AGBL4: variants seen among roughly 807,000 people sequenced by gnomAD.
AGBL4 encodes AGBL carboxypeptidase 4.
In AGBL4, 58 loss-of-function variants were observed where a neutral mutation model predicts 66.4. The ratio of observed to expected loss-of-function variants is 0.87; its 90% confidence interval spans 0.71 to 1.09. The LOEUF is 1.09. Among genes scored for constraint, AGBL4 ranks in the 50% least tolerant of loss-of-function variants. The pLI, the probability that AGBL4 is intolerant of heterozygous loss-of-function variation, is 0.00. For synonymous variants in AGBL4, 234 were observed against 222.9 expected, an observed-to-expected ratio of 1.05 and a Z score of -0.44; for missense variants, 579 against 631.0, an observed-to-expected ratio of 0.92 and a Z score of 0.88.
At chr1:49,833,242 T>A (rs929388849) in intron 2 of AGBL4, among the ~76,000 whole-genome samples, 21 of 152,144 alleles carry the variant, frequency 1.4e-4, no homozygotes, top group Non-Finnish European at 2.6e-4. Flanking sequence ...ACCATTTATT[T>A]AATAGGGAAT....
At chr1:48,579,773 C>T (rs1644709455) in intron 11 of AGBL4, among the ~76,000 whole-genome samples, 1 of 150,078 alleles carries the variant, frequency 6.7e-6, no homozygotes, top group South Asian at 2.1e-4. Flanking sequence ...AAAAAATTAG[C>T]CGGGCACGGT....
chr1:49,105,691 C>T (rs997264891), intron 4 of AGBL4, among the ~76,000 whole-genome samples: 4 of 152,136 alleles, frequency 2.6e-5, no homozygotes, highest in Non-Finnish European at 4.4e-5. Context: ...TCCTCAATCT[C>T]GCTGAGCTTC....
intron 3 of AGBL4, among the ~76,000 whole-genome samples, chr1:49,658,257 A>G (rs1206185276): frequency 6.6e-6 from 1 of 152,240 alleles, no homozygotes; most frequent in Non-Finnish European, 1.5e-5. Context: ...ACATGAAAAA[A>G]TGCTCATCAT....
intron 4 of AGBL4, among the ~76,000 whole-genome samples, chr1:49,059,206 C>G (rs1163091660): frequency 6.6e-6 from 1 of 152,232 alleles, no homozygotes; most frequent in Non-Finnish European, 1.5e-5. Flanking sequence ...CCAGGGACCC[C>G]TGCTCTGTGC....
chr1:49,233,409 TAAC>T (rs1425889889), intron 4 of AGBL4, among the ~76,000 whole-genome samples: 3 of 152,176 alleles, frequency 2.0e-5, no homozygotes, highest in African/African-American at 7.2e-5. Flanking sequence ...TGAATATTAA[TAAC>T]AACAACTGAG....
intron 9 of AGBL4, among the ~76,000 whole-genome samples, chr1:48,627,143 T>C (rs1570054558): frequency 6.6e-6 from 1 of 152,070 alleles, no homozygotes; most frequent in East Asian, 1.9e-4. Context: ...GGTCCCTTGG[T>C]TTCTAGTGAG....
intron 8 of AGBL4, among the ~76,000 whole-genome samples, chr1:48,652,587 G>C (rs547896139): frequency 3.2e-4 from 48 of 152,294 alleles, no homozygotes; most frequent in South Asian, 1.9e-3. Flanking sequence ...GGCCGAACGA[G>C]CTCTAAAACT....
chr1:49,232,900 G>A (rs543799421), intron 4 of AGBL4, among the ~76,000 whole-genome samples: 12 of 152,108 alleles, frequency 7.9e-5, no homozygotes, highest in Non-Finnish European at 1.2e-4. Context: ...AAAAATATTT[G>A]TTTATATCAT....
In AGBL4 at chr1:48,841,410, C is replaced by G. The variant is rs369059223; in HGVS notation, c.634+25781G>C. Among the ~76,000 whole-genome samples the G allele has an allele frequency of 2.0e-4, 27 of 137,230 alleles. 1 individual carries two copies. The highest frequency in any genetic ancestry group is 3.6e-3 in the Middle Eastern group (1 of 278). 90.0% of individuals were successfully genotyped at this position (137,230 alleles called of 152,430 possible). ...ATCTCTTACTACAAAACCCCCCCCC[C>G]CCAAAAAAAAAGAAGAGAGAGAAGG... On this transcript the variant is annotated intron_variant, in intron 6 of 13. Coordinates refer to ENST00000371839, the MANE Select transcript of AGBL4 (RefSeq NM_032785.4).
intron 4 of AGBL4, among the ~76,000 whole-genome samples, chr1:49,047,695 C>T (rs986667743): frequency 6.6e-6 from 1 of 152,050 alleles, no homozygotes. Context: ...TAATGTCCTC[C>T]AAGAGGGTCA....
chr1:49,054,442 AT>A (rs1161675321), intron 4 of AGBL4, among the ~76,000 whole-genome samples: 1 of 152,016 alleles, frequency 6.6e-6, no homozygotes, highest in African/African-American at 2.4e-5. Context: ...TACAATTGGT[AT>A]TTTTTGAAAT....
At chr1:49,622,225 A>G (rs1280236020) in intron 3 of AGBL4, among the ~76,000 whole-genome samples, 5 of 152,230 alleles carry the variant, frequency 3.3e-5, no homozygotes, top group African/African-American at 1.2e-4. Context: ...CATAATCAAA[A>G]AAACATAGGT....
At chr1:49,163,632 G>T (rs760966583) in intron 4 of AGBL4, among the ~76,000 whole-genome samples, 2 of 152,130 alleles carry the variant, frequency 1.3e-5, no homozygotes, top group Non-Finnish European at 2.9e-5. Context: ...CTCAATAAAC[G>T]TCTGTTGATG....
At chr1:49,739,511 T>C (rs1041896269) in intron 2 of AGBL4, among the ~76,000 whole-genome samples, 2 of 152,124 alleles carry the variant, frequency 1.3e-5, no homozygotes, top group Non-Finnish European at 2.9e-5. Flanking sequence ...ACTTCCCCAA[T>C]CTAGCAAGGC....
At chr1:49,054,973 T>TTATTTAAAATAAAGCTTGCAAACAGGA (rs2147896731) in intron 4 of AGBL4, among the ~76,000 whole-genome samples, 1 of 152,152 alleles carries the variant, frequency 6.6e-6, no homozygotes, top group Admixed American at 6.5e-5. Context: ...CAATTTGCAA[T>TTATTTAAAATAAAGCTTGCAAACAGGA]TATTTAAAAT....
chr1:48,972,589 C>T (rs948775613), intron 5 of AGBL4, among the ~76,000 whole-genome samples: 1 of 152,060 alleles, frequency 6.6e-6, no homozygotes, highest in Non-Finnish European at 1.5e-5. Flanking sequence ...TTTCTTACAG[C>T]GTAGCTAGAA....
intron 5 of AGBL4, among the ~76,000 whole-genome samples, chr1:48,994,192 C>T (rs914440777): frequency 6.6e-6 from 1 of 152,106 alleles, no homozygotes; most frequent in African/African-American, 2.4e-5. Flanking sequence ...TGGAATGTCC[C>T]ACGTAATTTC....
intron 3 of AGBL4, among the ~76,000 whole-genome samples, chr1:49,621,804 G>T (rs551389702): frequency 2.7e-4 from 41 of 152,294 alleles, no homozygotes; most frequent in African/African-American, 9.4e-4. Flanking sequence ...TACAATCTGT[G>T]TGTGGATTTC....
intron 10 of AGBL4, among the ~76,000 whole-genome samples, chr1:48,589,000 C>T (rs760861219): frequency 5.3e-5 from 8 of 152,116 alleles, no homozygotes; most frequent in Non-Finnish European, 5.9e-5. Context: ...GGAAACTTCA[C>T]CCACATGAGG....
Sources: allele counts gnomAD v4.1 joint callset (sites outside exome capture counted in the v4.1 genomes callset), GRCh38; gene constraint gnomAD v4.1.1; transcripts MANE v1.5; gene names NCBI Gene and HGNC (gene_info 2026-07-23, HGNC 2026-07-21).